Variants in PLPPR1 observed in about 807,000 individuals in gnomAD.
PLPPR1 encodes the protein phospholipid phosphatase-related protein type 1.
In PLPPR1, 10 loss-of-function variants were observed where a neutral mutation model predicts 33.1. That is an observed-to-expected ratio of 0.30 (90% CI 0.19 to 0.51). The LOEUF (loss-of-function observed/expected upper bound fraction) is 0.51. PLPPR1 is among the 20% of genes least tolerant of loss of function. The probability of loss-of-function intolerance (pLI) is 0.97; values close to 1 mark genes in which losing one functional copy is unlikely to be tolerated. For missense variants in PLPPR1, 304 were observed against 408.1 expected (o/e 0.74, Z 2.20); for synonymous variants, 151 against 151.0 (o/e 1.00, Z 0.00).
intron 2 of PLPPR1, among the ~76,000 whole-genome samples, chr9:101,230,339 T>C (rs1827155181): frequency 6.6e-6 from 1 of 152,100 alleles, no homozygotes. Context: ...ACATTTTTGA[T>C]TGTTGATATT....
At position 101,180,117 on chromosome 9, in the gene PLPPR1, TATATATATATATATATATATATATATAC is replaced by T. The variant is rs1268976697; in HGVS notation, c.-45-5331_-45-5304del. On this transcript the variant is annotated intron_variant, in intron 1 of 7. Transcript: ENST00000374874. ...CTTTATATATATATATATATATATA[TATATATATATATATATATATATATATAC>T]ACACACACACACACACATACACACA... Among the ~76,000 whole-genome samples the T allele has an allele frequency of 9.7e-4, 53 of 54,692 alleles. 2 individuals are homozygous for T. Among genetic ancestry groups the T allele is most frequent in the African/African-American group, 4.3e-3 (50 of 11,594 alleles). 35.9% of individuals were successfully genotyped at this position (54,692 alleles called of 152,430 possible). A position where few individuals can be genotyped will look rare whatever the true frequency, so the allele number is the denominator to read the frequency against.
chr9:101,232,867 G>A (rs909762091), intron 2 of PLPPR1, among the ~76,000 whole-genome samples: 15 of 151,892 alleles, frequency 9.9e-5, no homozygotes, highest in Admixed American at 7.9e-4. Context: ...AAAATGTCCG[G>A]TTGTTCATAG....
At chr9:101,159,897 G>A (rs1279003860) in intron 1 of PLPPR1, among the ~76,000 whole-genome samples, 5 of 152,190 alleles carry the variant, frequency 3.3e-5, no homozygotes, top group African/African-American at 1.2e-4. Context: ...GACCTTTAGA[G>A]CTGGATGCTT....
intron 1 of PLPPR1, among the ~76,000 whole-genome samples, chr9:101,080,490 G>C (rs559506656): frequency 4.5e-3 from 692 of 152,104 alleles, no homozygotes; most frequent in Middle Eastern, 0.014. Context: ...ATTGCAGCCT[G>C]GGCAACAGAG....
At chr9:101,163,449 T>A (rs1014855171) in intron 1 of PLPPR1, among the ~76,000 whole-genome samples, 1 of 152,208 alleles carries the variant, frequency 6.6e-6, no homozygotes, top group African/African-American at 2.4e-5. Context: ...ATTCCAGTTG[T>A]CATCTGGCTT....
intron 1 of PLPPR1, among the ~76,000 whole-genome samples, 166 bp downstream of exon 1, chr9:101,029,268 G>A (rs1464389211): frequency 6.6e-6 from 1 of 152,240 alleles, no homozygotes; most frequent in Admixed American, 6.5e-5. Context: ...GCAGAGGAGA[G>A]GACGAACCCA....
rs76338367 is a variant in PLPPR1, at chr9:101,288,377, G to T, written c.385+2141G>T. On this transcript the variant is annotated intron_variant, in intron 4 of 7. Coordinates refer to ENST00000374874, the MANE Select transcript of PLPPR1 (RefSeq NM_207299.2). ...TTTGGGTCTGTCATAAGCTAATAGAGATCTGGACCTTGGGAGGATAAGCCA... is the reference window on the plus strand; with the variant it reads ...TTTGGGTCTGTCATAAGCTAATAGATATCTGGACCTTGGGAGGATAAGCCA... Among the ~76,000 whole-genome samples, 127 of 152,234 alleles carry T rather than the reference G, an allele frequency of 8.3e-4. 3 individuals carry two copies. The East Asian group carries it at 0.022, about 26-fold the overall frequency.
intron 4 of PLPPR1, 76 bp from the exon 5 acceptor site, chr9:101,309,135 C>A (rs115763885): frequency 6.8e-7 from 1 of 1,464,712 alleles, no homozygotes; most frequent in African/African-American, 1.4e-5. Context: ...GGACTCTCAC[C>A]GCTGTTTTCT....
chr9:101,154,391 G>C (rs982288777), intron 1 of PLPPR1, among the ~76,000 whole-genome samples: 2 of 152,162 alleles, frequency 1.3e-5, no homozygotes, highest in African/African-American at 4.8e-5. Context: ...TTTCAGACCT[G>C]TTATTGGTCT....
intron 2 of PLPPR1, among the ~76,000 whole-genome samples, chr9:101,262,125 C>T (rs1827910555): frequency 1.3e-5 from 2 of 152,214 alleles, no homozygotes; most frequent in Non-Finnish European, 1.5e-5. Context: ...GAAAGATACA[C>T]AGTCTATCTA....
rs1195222566 is a variant in PLPPR1 at position 101,239,078 on chromosome 9, T to TGTGTGTGTAC, written c.64-30794_64-30793insACGTGTGTGT. Reference sequence around the variant, plus strand: ...TTCATTGAGTGTGTGTGTGTGTGTGTGTGTGTGTGTACATATATACCATAT... The same window carrying TGTGTGTGTAC: ...TTCATTGAGTGTGTGTGTGTGTGTGTGTGTGTGTACGTGTGTGTGTACATATATACCATAT... On this transcript the variant is annotated intron_variant, in intron 2 of 7. Coordinates refer to ENST00000374874, the MANE Select transcript of PLPPR1 (RefSeq NM_207299.2). Among the ~76,000 whole-genome samples the TGTGTGTGTAC allele has an allele frequency of 1.8e-4, 26 of 144,856 alleles. 1 individual carries two copies. Among genetic ancestry groups the TGTGTGTGTAC allele is most frequent in the Admixed American group, 1.7e-3 (26 of 14,942 alleles).
chr9:101,109,436 C>G (rs369236295), intron 1 of PLPPR1, among the ~76,000 whole-genome samples: 1 of 152,142 alleles, frequency 6.6e-6, no homozygotes, highest in African/African-American at 2.4e-5. Flanking sequence ...ATCATCTTCT[C>G]TCTTTTGACA....
chr9:101,078,532 G>A (rs624169), intron 1 of PLPPR1, among the ~76,000 whole-genome samples: 85,793 of 151,340 alleles, frequency 0.57, 24,369 homozygotes, highest in Non-Finnish European at 0.6. Flanking sequence ...GGACCTATAA[G>A]TTAAAGTAAA....
intron 1 of PLPPR1, among the ~76,000 whole-genome samples, chr9:101,118,501 C>T (rs1420125988): frequency 7.2e-5 from 11 of 152,200 alleles, no homozygotes; most frequent in African/African-American, 2.2e-4. Context: ...CTCTCTCTCT[C>T]TCTCTTTCTC....
intron 4 of PLPPR1, among the ~76,000 whole-genome samples, chr9:101,306,249 G>A (rs192577452): frequency 1.6e-4 from 24 of 152,312 alleles, no homozygotes; most frequent in Non-Finnish European, 1.5e-4. Context: ...GCAGGAACAC[G>A]ATGCCCTTTG....
At position 101,295,697 on chromosome 9, in the gene PLPPR1, G is replaced by A. The variant is rs1402915261; in HGVS notation, c.385+9461G>A. ...GACAAACCTGAGAAAAACAAGCAATGGGGAAAGGAATCCCTATTTAATAAA... is the reference window on the plus strand; with the variant it reads ...GACAAACCTGAGAAAAACAAGCAATAGGGAAAGGAATCCCTATTTAATAAA... On this transcript the variant is annotated intron_variant, in intron 4 of 7. Coordinates refer to ENST00000374874, the MANE Select transcript of PLPPR1 (RefSeq NM_207299.2). Among the ~76,000 whole-genome samples, 6 of 151,982 alleles carry A rather than the reference G, an allele frequency of 3.9e-5. No homozygotes were observed. The South Asian group carries it at 1.2e-3, about 32-fold the overall frequency.
intron 2 of PLPPR1, among the ~76,000 whole-genome samples, chr9:101,234,612 A>G (rs937541249): frequency 1.3e-5 from 2 of 151,892 alleles, no homozygotes; most frequent in Non-Finnish European, 2.9e-5. Context: ...TGAGATATAT[A>G]TCTAAGGCAT....
intron 4 of PLPPR1, among the ~76,000 whole-genome samples, chr9:101,300,419 C>CACAA (rs1828731714): frequency 6.6e-6 from 1 of 152,190 alleles, no homozygotes; most frequent in Non-Finnish European, 1.5e-5. Context: ...GATCCTCCAG[C>CACAA]CTCAGCCTTC....
intron 1 of PLPPR1, among the ~76,000 whole-genome samples, chr9:101,144,664 C>G (rs114925079): frequency 6.6e-6 from 1 of 152,164 alleles, no homozygotes; most frequent in Non-Finnish European, 1.5e-5. Context: ...TTGAGGCCAT[C>G]CAGTCTGTGA....
Sources: allele counts gnomAD v4.1 joint callset (sites outside exome capture counted in the v4.1 genomes callset), GRCh38; gene constraint gnomAD v4.1.1; transcripts MANE v1.5; gene names NCBI Gene and HGNC (gene_info 2026-07-23, HGNC 2026-07-21).